IMMP1L: variants seen among roughly 807,000 people sequenced by gnomAD.
IMMP1L encodes inner mitochondrial membrane peptidase subunit 1, also known as mitochondrial inner membrane protease subunit 1.
Under a neutral mutation model 21.8 loss-of-function variants are expected in IMMP1L, and 24 were observed. The observed-to-expected ratio is 1.10, with a 90% CI of 0.80 to 1.55. IMMP1L has a LOEUF of 1.55. Ranked by LOEUF, IMMP1L falls within the 40% of genes most tolerant of loss-of-function variation. The pLI, the probability that IMMP1L is intolerant of heterozygous loss-of-function variation, is 0.00. For missense variants in IMMP1L, 195 were observed against 200.7 expected (o/e 0.97, Z 0.17); for synonymous variants, 46 against 62.8 (o/e 0.73, Z 1.26).
chr11:31,503,180 T>C (rs1955676446), intron 1 of IMMP1L, among the ~76,000 whole-genome samples: 1 of 151,942 alleles, frequency 6.6e-6, no homozygotes, highest in Non-Finnish European at 1.5e-5. Context: ...AATCTACAGA[T>C]CAAAGAGAAA....
intron 1 of IMMP1L, among the ~76,000 whole-genome samples, chr11:31,497,496 T>C (rs1410098709): frequency 2.0e-5 from 3 of 147,242 alleles, no homozygotes; most frequent in Middle Eastern, 3.5e-3. Flanking sequence ...GGAGTCTCGC[T>C]CTGTCGCCAG....
At chr11:31,497,415 A>G (rs1955481305) in intron 1 of IMMP1L, among the ~76,000 whole-genome samples, 1 of 151,986 alleles carries the variant, frequency 6.6e-6, no homozygotes, top group Non-Finnish European at 1.5e-5. Flanking sequence ...GGTTGAAACA[A>G]GAGAGAATAA....
intron 3 of IMMP1L, among the ~76,000 whole-genome samples, chr11:31,457,413 C>T (rs1224782194): frequency 3.9e-5 from 6 of 152,120 alleles, no homozygotes; most frequent in African/African-American, 9.7e-5. Context: ...CTGCATAAAA[C>T]GAGCAATATG....
chr11:31,456,557 A>G (rs1953944783), intron 3 of IMMP1L, among the ~76,000 whole-genome samples, 171 bp from the exon 4 acceptor site: 1 of 152,084 alleles, frequency 6.6e-6, no homozygotes, highest in African/African-American at 2.4e-5. Context: ...GTGACTGAAT[A>G]CTTTAGGTGA....
intron 1 of IMMP1L, among the ~76,000 whole-genome samples, chr11:31,483,439 G>A (rs559720267): frequency 5.3e-5 from 8 of 151,918 alleles, no homozygotes; most frequent in South Asian, 2.1e-4. Flanking sequence ...GGTTGTTACC[G>A]TATCTATTTG....
At chr11:31,484,480 A>G (rs1332455913) in intron 1 of IMMP1L, among the ~76,000 whole-genome samples, 1 of 151,936 alleles carries the variant, frequency 6.6e-6, no homozygotes, top group Non-Finnish European at 1.5e-5. Context: ...AGAGTATTTC[A>G]TTGTGTAGTT....
Position 31,439,944 on chromosome 11 carries a change from T to C in IMMP1L, c.322-6374A>G, listed in dbSNP as rs1018663076. 2.5e-4 allele frequency among the ~76,000 whole-genome samples: 38 copies of C among 152,206 alleles called. 1 individual carries two copies. The highest frequency in any genetic ancestry group is 1.0e-4 in the Non-Finnish European group (7 of 68,032). ...TTGGCTTACAGCTCCCCAGCAGTCATTCATTCCTCAGTCTCTTTAAGTTTC... is the reference window on the plus strand; with the variant it reads ...TTGGCTTACAGCTCCCCAGCAGTCACTCATTCCTCAGTCTCTTTAAGTTTC... On this transcript the variant is annotated intron_variant, in intron 4 of 5. Transcript: ENST00000532287.
At chr11:31,451,729 A>G (rs1025303376) in intron 4 of IMMP1L, among the ~76,000 whole-genome samples, 33 of 152,212 alleles carry the variant, frequency 2.2e-4, no homozygotes, top group Non-Finnish European at 7.3e-5. Context: ...CTTGATATAA[A>G]TTTGAGAGTA....
At chr11:31,497,527 T>C (rs1955489377) in intron 1 of IMMP1L, among the ~76,000 whole-genome samples, 1 of 150,518 alleles carries the variant, frequency 6.6e-6, no homozygotes. Flanking sequence ...AGTGGTGCGA[T>C]CTCCGCTCAC....
rs371528596 is a variant in IMMP1L, at chr11:31,509,304, T to G, written c.-30+215A>C. 31 of 165,458 alleles carry G rather than the reference T, an allele frequency of 1.9e-4. 1 individual carries two copies. In the East Asian group the frequency reaches 4.4e-3, roughly 23 times the overall value. 10.2% of individuals were successfully genotyped at this position (165,458 alleles called of 1,614,324 possible). A position where few individuals can be genotyped will look rare whatever the true frequency, so the allele number is the denominator to read the frequency against. On this transcript the variant is annotated intron_variant, in intron 1 of 5. Coordinates refer to ENST00000532287, the MANE Select transcript of IMMP1L (RefSeq NM_001304274.2). ...CCATCCTTTCCATATAACACAAAAT[T>G]AAGAAAAAGACATCGTGGGGAAGGC... is the stretch of plus-strand genomic sequence containing the variant.
At chr11:31,501,440 C>A (rs1955615032) in intron 1 of IMMP1L, among the ~76,000 whole-genome samples, 1 of 152,116 alleles carries the variant, frequency 6.6e-6, no homozygotes, top group Non-Finnish European at 1.5e-5. Context: ...CTCTCTTGGG[C>A]CACTCCACTA....
rs144053553 is a variant in IMMP1L at position 31,471,361 on chromosome 11, C to T, written c.-29-8056G>A. On this transcript the variant is annotated intron_variant, in intron 1 of 5. Coordinates refer to ENST00000532287, the MANE Select transcript of IMMP1L (RefSeq NM_001304274.2). The stretch of plus-strand genomic sequence containing the variant: ...TCCCTCTGAAGTGTTCCCTGACCTC[C>T]GTGTATGGCCTCCAGGTATGTCATG... 1.7e-3 allele frequency among the ~76,000 whole-genome samples: 254 copies of T among 152,200 alleles called. 1 individual carries two copies. The highest frequency in any genetic ancestry group is 5.6e-3 in the African/African-American group (233 of 41,516).
intron 2 of IMMP1L, among the ~76,000 whole-genome samples, chr11:31,460,924 T>C (rs545418885): frequency 1.3e-5 from 2 of 152,270 alleles, no homozygotes; most frequent in African/African-American, 2.4e-5. Context: ...AAATGGATTA[T>C]TGCTTTCACA....
chr11:31,460,800 A>C, intron 2 of IMMP1L, 86 bp from the exon 3 acceptor site: 1 of 959,242 alleles, frequency 1.0e-6, no homozygotes, highest in Non-Finnish European at 1.6e-6. Flanking sequence ...AAAGAAAGAA[A>C]ATCAAGCAAA....
intron 1 of IMMP1L, among the ~76,000 whole-genome samples, chr11:31,493,017 G>A (rs1380564932): frequency 1.3e-5 from 2 of 152,152 alleles, no homozygotes; most frequent in Non-Finnish European, 2.9e-5. Context: ...CTAATTGCAG[G>A]GTTGTCACAA....
chr11:31,501,142 T>C (rs562928621), intron 1 of IMMP1L, among the ~76,000 whole-genome samples: 7 of 152,292 alleles, frequency 4.6e-5, no homozygotes, highest in African/African-American at 1.7e-4. Context: ...TCCATCAACA[T>C]AGGAGGTTCT....
At chr11:31,486,147 A>AT (rs1161885635) in intron 1 of IMMP1L, among the ~76,000 whole-genome samples, 1 of 151,154 alleles carries the variant, frequency 6.6e-6, no homozygotes, top group Non-Finnish European at 1.5e-5. Flanking sequence ...GGAATATCTG[A>AT]TTTTTTCTGC....
At chr11:31,432,680 T>G (rs768018814) in intron 5 of IMMP1L, 112 bp from the exon 6 acceptor site, 1 of 698,136 alleles carries the variant, frequency 1.4e-6, no homozygotes, top group Non-Finnish European at 2.6e-6. Flanking sequence ...CACTTTCTCC[T>G]TACTCATCAA....
At chr11:31,494,100 TGG>T (rs1955348158) in intron 1 of IMMP1L, among the ~76,000 whole-genome samples, 1 of 152,192 alleles carries the variant, frequency 6.6e-6, no homozygotes, top group Non-Finnish European at 1.5e-5. Flanking sequence ...CATGCCCCAG[TGG>T]GGACTCTGTG....
Sources: allele counts gnomAD v4.1 joint callset (sites outside exome capture counted in the v4.1 genomes callset), GRCh38; gene constraint gnomAD v4.1.1; transcripts MANE v1.5; gene names NCBI Gene and HGNC (gene_info 2026-07-23, HGNC 2026-07-21).